FRMPD4: variants seen among roughly 807,000 people sequenced by gnomAD.
The protein encoded by FRMPD4 is FERM and PDZ domain containing 4.
In FRMPD4, 22 loss-of-function variants were observed where a neutral mutation model predicts 94.1. That is an observed-to-expected ratio of 0.23 (90% CI 0.17 to 0.33). FRMPD4 has a LOEUF of 0.33. FRMPD4 is among the 10% of genes least tolerant of loss of function. FRMPD4 has a pLI of 1.00. For synonymous variants in FRMPD4, 631 were observed against 548.6 expected (o/e 1.15, Z -2.10); for missense variants, 1,111 against 1,339.9 (o/e 0.83, Z 2.67).
At chrX:11,905,586 A>G (rs765604134) in intron 3 of FRMPD4, among the ~76,000 whole-genome samples, 1 of 111,785 alleles carries the variant, frequency 8.9e-6, no homozygotes, top group East Asian at 2.8e-4. Context: ...CCTATTAGAA[A>G]GAGCCCTCAG....
chrX:12,626,547 T>G (rs1293373093), intron 4 of FRMPD4, among the ~76,000 whole-genome samples: 2 of 102,368 alleles, frequency 2.0e-5, no homozygotes, highest in Non-Finnish European at 4.0e-5. Context: ...TGTGGCACAT[T>G]AAGTTTTTCT....
At chrX:12,040,419 G>A (rs773527827) in intron 3 of FRMPD4, among the ~76,000 whole-genome samples, 5 of 106,651 alleles carry the variant, frequency 4.7e-5, no homozygotes, top group Non-Finnish European at 9.6e-5. Flanking sequence ...TACTTTCAAT[G>A]TATATATTTC....
chrX:11,905,863 T>C (rs182369553), intron 3 of FRMPD4, among the ~76,000 whole-genome samples: 115 of 111,709 alleles, frequency 1.0e-3, no homozygotes, highest in Middle Eastern at 4.6e-3. Flanking sequence ...CAGAAAGTTT[T>C]TGAACGGACA....
chrX:12,331,683 AT>A lies in FRMPD4; in HGVS notation c.42-166994del, dbSNP rs1362662743. ...TAATATATAAATATATAAATTATATATTTATATAATATATAAATATATAATA... is the reference window on the plus strand; with the variant it reads ...TAATATATAAATATATAAATTATATATTATATAATATATAAATATATAATA... On this transcript the variant is annotated intron_variant, in intron 1 of 16. Transcript: ENST00000675598. Among the ~76,000 whole-genome samples, 240 of 71,897 alleles carry A rather than the reference AT, an allele frequency of 3.3e-3. 15 individuals are homozygous for A. Among genetic ancestry groups the A allele is most frequent in the African/African-American group, 0.013 (215 of 16,124 alleles). The allele number at this position is 71,897 out of a possible 115,157, so 62.4% of individuals were successfully genotyped here. A position where few individuals can be genotyped will look rare whatever the true frequency, so the allele number is the denominator to read the frequency against.
chrX:12,297,145 A>G (rs766014105), intron 1 of FRMPD4, among the ~76,000 whole-genome samples: 50 of 112,784 alleles, frequency 4.4e-4, no homozygotes, highest in Middle Eastern at 9.2e-3. Flanking sequence ...GTGATAAAGG[A>G]TAGCGCTACA....
At chrX:12,139,851 C>G (rs1224879918) in intron 1 of FRMPD4, among the ~76,000 whole-genome samples, 1 of 111,561 alleles carries the variant, frequency 9.0e-6, no homozygotes, top group Non-Finnish European at 1.9e-5. Context: ...TCTTAGAAAA[C>G]CATGCCCAAC....
chrX:12,709,988 C>T (rs766202854), intron 13 of FRMPD4, among the ~76,000 whole-genome samples: 3 of 110,435 alleles, frequency 2.7e-5, no homozygotes, highest in South Asian at 4.0e-4. Flanking sequence ...ATTAGCCTGG[C>T]GCGGTGGTGC....
chrX:12,259,364 A>G lies in FRMPD4; in HGVS notation c.41+120352A>G, dbSNP rs139331651. 6.8e-3 allele frequency among the ~76,000 whole-genome samples: 761 copies of G among 111,456 alleles called. 10 individuals carry two copies. Among genetic ancestry groups the G allele is most frequent in the African/African-American group, 0.023 (711 of 30,686 alleles). ...GGGAAATTTGGACAAAGAGAAACAC[A>G]CACACAGGGAAAATATCATGTGGCA... On this transcript the variant is annotated intron_variant, in intron 1 of 16. Transcript: ENST00000675598.
At chrX:12,222,178 A>G (rs1189187252) in intron 1 of FRMPD4, among the ~76,000 whole-genome samples, 1 of 111,625 alleles carries the variant, frequency 9.0e-6, no homozygotes, top group Non-Finnish European at 1.9e-5. Context: ...ACAAAAAATA[A>G]AAAAGGAAAG....
intron 1 of FRMPD4, among the ~76,000 whole-genome samples, chrX:12,285,045 A>G (rs924543614): frequency 8.9e-6 from 1 of 111,986 alleles, no homozygotes; most frequent in Non-Finnish European, 1.9e-5. Context: ...TTGACCTTTC[A>G]TGAATGTATT....
At chrX:12,719,488 T>G (rs2042176535) in intron 16 of FRMPD4, among the ~76,000 whole-genome samples, 1 of 112,828 alleles carries the variant, frequency 8.9e-6, no homozygotes, top group African/African-American at 3.2e-5. Context: ...TCCACTTGGC[T>G]GGCCATCACA....
chrX:12,595,692 T>A (rs2059024711), intron 2 of FRMPD4, among the ~76,000 whole-genome samples: 1 of 112,464 alleles, frequency 8.9e-6, no homozygotes, highest in South Asian at 3.7e-4. Context: ...ACACAAATTA[T>A]TATTTTGAAG....
chrX:12,628,400 C>G (rs1458064269), intron 4 of FRMPD4, among the ~76,000 whole-genome samples: 1 of 111,553 alleles, frequency 9.0e-6, no homozygotes, highest in Non-Finnish European at 1.9e-5. Flanking sequence ...TCTTTGACTA[C>G]TCACCTAGAA....
At position 12,272,988 on chromosome X, in the gene FRMPD4, A is replaced by C. The variant is rs371449800; in HGVS notation, c.41+133976A>C. On this transcript the variant is annotated intron_variant, in intron 1 of 16. Coordinates refer to ENST00000675598, the MANE Select transcript of FRMPD4 (RefSeq NM_001368397.1). ...GCTACTTGGGAGACTGAGGCACAAG[A>C]ATCACTTGAACCCAGGAGGCAGAGG... Among the ~76,000 whole-genome samples, 68 of 110,440 alleles carry C rather than the reference A, an allele frequency of 6.2e-4. No individual in the cohort carries two copies. The South Asian group carries it at 0.026, about 43-fold the overall frequency.
At position 12,720,684 on chromosome X, in the gene FRMPD4, C is replaced by A; in HGVS notation, c.4115C>A (p.Ala1372Glu). ...CAAGACCCTAATGATTTCTCCCAAG[C>A]AAATCAGGCATACGGAGAGGCTGTG... Reference protein sequence around the residue: ...PNQDPNDFSQANQAYGEAVSW... With the variant: ...PNQDPNDFSQENQAYGEAVSW... Residue 1372 changes from alanine to glutamate, a missense_variant, in exon 17 of 17, where the codon GCA (alanine) becomes GAA (glutamate). Around this residue, in one of 8 missense-constraint regions of FRMPD4, gnomAD observed 551 missense variants for 591.6 expected, o/e 0.93. Coordinates refer to ENST00000675598, the MANE Select transcript of FRMPD4 (RefSeq NM_001368397.1). The A allele has an allele frequency of 9.1e-7, 1 of 1,100,962 alleles. No homozygotes were observed. Among genetic ancestry groups the A allele is most frequent in the Non-Finnish European group, 1.2e-6 (1 of 843,118 alleles). The allele number at this position is 1,100,962 out of a possible 1,213,427, so 90.7% of individuals were successfully genotyped here.
At chrX:12,604,409 A>T (rs1206067029) in intron 2 of FRMPD4, among the ~76,000 whole-genome samples, 2 of 112,235 alleles carry the variant, frequency 1.8e-5, no homozygotes, top group Non-Finnish European at 3.8e-5. Flanking sequence ...GTGTTCTGGT[A>T]CAGTCTTGCC....
At chrX:12,588,559 C>G (rs1054366294) in intron 2 of FRMPD4, among the ~76,000 whole-genome samples, 1 of 112,402 alleles carries the variant, frequency 8.9e-6, no homozygotes, top group Non-Finnish European at 1.9e-5. Context: ...TATTTTACAA[C>G]TATATCATAG....
rs999116701 is a variant in FRMPD4, at chrX:12,202,552, G to A, written c.41+63540G>A. ...TTATGCTCAGGGCACTGATCTTTAG[G>A]GGAAGACTGGCCATGGGAGAAAGGA... On this transcript the variant is annotated intron_variant, in intron 1 of 16. Coordinates refer to ENST00000675598, the MANE Select transcript of FRMPD4 (RefSeq NM_001368397.1). 8.0e-5 allele frequency among the ~76,000 whole-genome samples: 9 copies of A among 112,143 alleles called. No homozygotes were observed. In the Admixed American group the frequency reaches 8.5e-4, roughly 11 times the overall value.
intron 5 of FRMPD4, among the ~76,000 whole-genome samples, chrX:12,679,359 T>G (rs1306630592): frequency 9.0e-6 from 1 of 110,595 alleles, no homozygotes; most frequent in Non-Finnish European, 1.9e-5. Context: ...AGAGGAGGGG[T>G]CATATGAGAG....
Sources: allele counts gnomAD v4.1 joint callset (sites outside exome capture counted in the v4.1 genomes callset), GRCh38; gene constraint gnomAD v4.1.1; regional missense constraint gnomAD v4.1.1; transcripts MANE v1.5; gene names NCBI Gene and HGNC (gene_info 2026-07-23, HGNC 2026-07-21).